GRIK2: variants seen among roughly 807,000 people sequenced by gnomAD.
GRIK2 encodes glutamate ionotropic receptor kainate type subunit 2.
Under a neutral mutation model 100.3 loss-of-function variants are expected in GRIK2, and 32 were observed. That is an observed-to-expected ratio of 0.32 (90% CI 0.24 to 0.43). The LOEUF (loss-of-function observed/expected upper bound fraction) is 0.43. Ranked by LOEUF, GRIK2 falls within the 20% of genes least tolerant of loss-of-function variation. The pLI is 1.00. For synonymous variants in GRIK2, 417 were observed against 389.4 expected (o/e 1.07, Z -0.83); for missense variants, 843 against 1,114.9 (o/e 0.76, Z 3.47).
At chr6:101,987,931 A>C (rs1333391643) in intron 14 of GRIK2, among the ~76,000 whole-genome samples, 1 of 151,626 alleles carries the variant, frequency 6.6e-6, no homozygotes, top group East Asian at 2.0e-4. Flanking sequence ...ATAGATTCCA[A>C]GTCCATAACG....
chr6:101,656,841 C>T (rs181730410), intron 4 of GRIK2, among the ~76,000 whole-genome samples: 67 of 152,306 alleles, frequency 4.4e-4, no homozygotes, highest in African/African-American at 1.6e-3. Context: ...AAACACAACA[C>T]TTCTCCAAAA....
chr6:101,508,029 T>A (rs1774110343), intron 2 of GRIK2, among the ~76,000 whole-genome samples: 1 of 152,086 alleles, frequency 6.6e-6, no homozygotes, highest in African/African-American at 2.4e-5. Context: ...AAGTAGGAAA[T>A]TTAGACAATT....
chr6:101,531,447 T>C lies in GRIK2; in HGVS notation c.116-90502T>C, dbSNP rs75645984. On this transcript the variant is annotated intron_variant, in intron 2 of 16. Transcript: ENST00000369134. Reference sequence around the variant, plus strand: ...AAAAAGAAAAGTGACAAGTAACATATATTTGAGAGTCTTTCTAGAAGTTGT... The same window carrying C: ...AAAAAGAAAAGTGACAAGTAACATACATTTGAGAGTCTTTCTAGAAGTTGT... Among the ~76,000 whole-genome samples the C allele has an allele frequency of 5.1e-3, 773 of 152,022 alleles. 8 individuals carry two copies. The highest frequency in any genetic ancestry group is 0.018 in the African/African-American group (740 of 41,512).
chr6:101,958,958 A>C (rs1442498540), intron 14 of GRIK2, among the ~76,000 whole-genome samples: 2 of 151,986 alleles, frequency 1.3e-5, no homozygotes, highest in African/African-American at 2.4e-5. Context: ...TTGTGTTTAC[A>C]TTCATCAGGG....
chr6:101,798,285 A>T (rs536922627), intron 7 of GRIK2, among the ~76,000 whole-genome samples: 1 of 152,214 alleles, frequency 6.6e-6, no homozygotes, highest in East Asian at 1.9e-4. Flanking sequence ...TGTGTAATAT[A>T]TGTAATATGT....
intron 2 of GRIK2, among the ~76,000 whole-genome samples, chr6:101,566,986 TA>T (rs1336118627): frequency 2.0e-5 from 3 of 151,152 alleles, no homozygotes; most frequent in South Asian, 2.1e-4. Context: ...GACTATCATA[TA>T]AAATATATAT....
chr6:102,060,238 C>CTGAT (rs1211826201), intron 16 of GRIK2, among the ~76,000 whole-genome samples: 1 of 150,588 alleles, frequency 6.6e-6, no homozygotes, highest in South Asian at 2.1e-4. Context: ...TTCTGGTGCA[C>CTGAT]TGATAGTTCA....
chr6:101,945,733 T>C (rs938533757), intron 14 of GRIK2, among the ~76,000 whole-genome samples: 5 of 152,168 alleles, frequency 3.3e-5, no homozygotes, highest in African/African-American at 1.2e-4. Context: ...ACATAACTCC[T>C]CTGTAAAGTG....
intron 14 of GRIK2, among the ~76,000 whole-genome samples, chr6:101,935,462 C>T (rs1292856597): frequency 1.3e-5 from 2 of 151,714 alleles, no homozygotes; most frequent in Admixed American, 6.6e-5. Context: ...CTTTGTAAAC[C>T]TTTATCGTAG....
chr6:101,649,917 A>T (rs1781707202), intron 4 of GRIK2, among the ~76,000 whole-genome samples: 1 of 152,094 alleles, frequency 6.6e-6, no homozygotes, highest in South Asian at 2.1e-4. Flanking sequence ...ACACATTAGG[A>T]CTGCAAAGGA....
intron 14 of GRIK2, among the ~76,000 whole-genome samples, chr6:101,968,759 G>A (rs1792856427): frequency 7.8e-6 from 1 of 127,754 alleles, no homozygotes. Context: ...GTTCTCTGAG[G>A]GGAAAAAATC....
intron 7 of GRIK2, among the ~76,000 whole-genome samples, chr6:101,760,695 T>TATATTTA (rs1562364797): frequency 0.013 from 1,019 of 79,978 alleles, 182 homozygotes; most frequent in African/African-American, 0.056. Flanking sequence ...TATATATAAT[T>TATATTTA]ATATATAATT....
intron 12 of GRIK2, among the ~76,000 whole-genome samples, chr6:101,892,726 A>G (rs989547608): frequency 6.6e-6 from 1 of 151,862 alleles, no homozygotes; most frequent in Non-Finnish European, 1.5e-5. Context: ...ATGGTAGACA[A>G]ACTGTATTAA....
intron 7 of GRIK2, among the ~76,000 whole-genome samples, chr6:101,695,179 A>G (rs781427069): frequency 7.8e-4 from 118 of 152,132 alleles, no homozygotes; most frequent in Non-Finnish European, 1.4e-3. Flanking sequence ...TATTGGCAGG[A>G]TTGGTGTCTG....
intron 11 of GRIK2, among the ~76,000 whole-genome samples, chr6:101,864,206 A>G (rs1309620034): frequency 6.6e-6 from 1 of 152,152 alleles, no homozygotes; most frequent in Non-Finnish European, 1.5e-5. Flanking sequence ...GAGCAGGACT[A>G]TAGCCTTCTT....
chr6:101,601,134 T>C (rs1487862068), intron 2 of GRIK2, among the ~76,000 whole-genome samples: 2 of 144,582 alleles, frequency 1.4e-5, no homozygotes, highest in Non-Finnish European at 3.0e-5. Flanking sequence ...TTTTTTTTTT[T>C]TTTTATCATG....
chr6:101,794,287 ACCCC>A (rs1780128767), intron 7 of GRIK2, among the ~76,000 whole-genome samples: 2 of 151,664 alleles, frequency 1.3e-5, no homozygotes, highest in African/African-American at 2.4e-5. Flanking sequence ...TGCAGAAATC[ACCCC>A]TCTTCTGCGT....
chr6:101,965,502 T>A (rs1208395721), intron 14 of GRIK2, among the ~76,000 whole-genome samples: 1 of 152,074 alleles, frequency 6.6e-6, no homozygotes, highest in African/African-American at 2.4e-5. Flanking sequence ...TTGGGTTGAA[T>A]AATACCTCTG....
At chr6:102,012,687 T>C (rs1795611477) in intron 14 of GRIK2, among the ~76,000 whole-genome samples, 1 of 152,212 alleles carries the variant, frequency 6.6e-6, no homozygotes, top group African/African-American at 2.4e-5. Context: ...CATTTGTATA[T>C]TAACTTTGAA....
Sources: allele counts gnomAD v4.1 joint callset (sites outside exome capture counted in the v4.1 genomes callset), GRCh38; gene constraint gnomAD v4.1.1; transcripts MANE v1.5; gene names NCBI Gene and HGNC (gene_info 2026-07-23, HGNC 2026-07-21).